NALF1: variants seen among roughly 807,000 people sequenced by gnomAD.
The protein encoded by NALF1 is family with sequence similarity 155 member A.
Under a neutral mutation model 48.4 loss-of-function variants are expected in NALF1, and 3 were observed. The observed-to-expected ratio is 0.06, with a 90% CI of 0.03 to 0.16. The LOEUF (loss-of-function observed/expected upper bound fraction) is 0.16, where lower values mean the gene tolerates loss of function less well. Among genes scored for constraint, NALF1 ranks in the 10% least tolerant of loss-of-function variants. The pLI, the probability that NALF1 is intolerant of heterozygous loss-of-function variation, is 1.00. For missense variants in NALF1, 526 were observed against 571.5 expected, an observed-to-expected ratio of 0.92 and a Z score of 0.81; for synonymous variants, 262 against 245.7, an observed-to-expected ratio of 1.07 and a Z score of -0.62.
At chr13:107,744,468 T>C (rs1566465481) in intron 1 of NALF1, among the ~76,000 whole-genome samples, 1 of 152,288 alleles carries the variant, frequency 6.6e-6, no homozygotes, top group East Asian at 1.9e-4. Context: ...AAATAAAGAA[T>C]TGACCAATTG....
chr13:107,244,672 G>A (rs779439334), intron 1 of NALF1, among the ~76,000 whole-genome samples: 3 of 152,048 alleles, frequency 2.0e-5, no homozygotes, highest in African/African-American at 4.8e-5. Context: ...ATTCTTCATC[G>A]ATGAAAACAG....
At chr13:107,632,711 T>C (rs1376180399) in intron 1 of NALF1, among the ~76,000 whole-genome samples, 1 of 152,164 alleles carries the variant, frequency 6.6e-6, no homozygotes, top group Non-Finnish European at 1.5e-5. Flanking sequence ...AGACTAAATT[T>C]GGTATCACTT....
At chr13:107,743,772 G>A (rs1876704534) in intron 1 of NALF1, among the ~76,000 whole-genome samples, 1 of 152,182 alleles carries the variant, frequency 6.6e-6, no homozygotes, top group African/African-American at 2.4e-5. Flanking sequence ...AAAAGGATTA[G>A]TAAGAGGATA....
rs550903058 is a variant in NALF1 at position 107,340,264 on chromosome 13, C to T, written c.916-129509G>A. 2.0e-5 allele frequency among the ~76,000 whole-genome samples: 3 copies of T among 151,852 alleles called. No individual in the cohort carries two copies. In the South Asian group the frequency reaches 6.3e-4, roughly 32 times the overall value. On this transcript the variant is annotated intron_variant, in intron 1 of 2. Coordinates refer to ENST00000375915, the MANE Select transcript of NALF1 (RefSeq NM_001080396.3). ...CAAGCGATTCTCCTGCCTCAGCCTC[C>T]CGAGTAGCTGAGATTACAGGTGCCC...
intron 1 of NALF1, among the ~76,000 whole-genome samples, chr13:107,615,106 G>T (rs1879344742): frequency 6.6e-6 from 1 of 152,076 alleles, no homozygotes; most frequent in African/African-American, 2.4e-5. Context: ...TCTGACCATA[G>T]ACATCTGAAT....
intron 1 of NALF1, among the ~76,000 whole-genome samples, chr13:107,358,133 C>T (rs965255215): frequency 5.3e-5 from 8 of 151,876 alleles, no homozygotes; most frequent in Non-Finnish European, 1.0e-4. Flanking sequence ...CACATTTACA[C>T]ATGCATGTTT....
At chr13:107,731,128 T>G (rs995272911) in intron 1 of NALF1, among the ~76,000 whole-genome samples, 1 of 152,168 alleles carries the variant, frequency 6.6e-6, no homozygotes, top group African/African-American at 2.4e-5. Flanking sequence ...TGGTCTTTCT[T>G]AGGCAGCTAG....
intron 1 of NALF1, among the ~76,000 whole-genome samples, chr13:107,759,690 T>C (rs1877210622): frequency 6.6e-6 from 1 of 152,132 alleles, no homozygotes; most frequent in Non-Finnish European, 1.5e-5. Context: ...ACTGTGTTCT[T>C]ACCTTACTGT....
chr13:107,179,092 C>A (rs1879006344), intron 2 of NALF1, among the ~76,000 whole-genome samples: 1 of 152,086 alleles, frequency 6.6e-6, no homozygotes, highest in African/African-American at 2.4e-5. Context: ...TCGCAATAGC[C>A]AAGATTTGGA....
At chr13:107,786,416 CAAAAAAAAAAA>C (rs34857705) in intron 1 of NALF1, among the ~76,000 whole-genome samples, 3 of 29,710 alleles carry the variant, frequency 1.0e-4, no homozygotes, top group African/African-American at 4.0e-4. Context: ...AACTCTTTCT[CAAAAAAAAAAA>C]AAAAAAAAAA....
rs114396498 is a variant in NALF1, at chr13:107,420,422, T to A, written c.916-209667A>T. On this transcript the variant is annotated intron_variant, in intron 1 of 2. Coordinates refer to ENST00000375915, the MANE Select transcript of NALF1 (RefSeq NM_001080396.3). The stretch of plus-strand genomic sequence containing the variant: ...GTTAATTGTATAAAGGAAAAACAAA[T>A]ACATCATGTTTTAGCATTTTTTTAT... Among the ~76,000 whole-genome samples, 1,468 of 152,224 alleles carry A rather than the reference T, an allele frequency of 9.6e-3. 24 individuals carry two copies. The highest frequency in any genetic ancestry group is 0.034 in the African/African-American group (1,401 of 41,536).
chr13:107,623,005 T>C (rs1879567771), intron 1 of NALF1, among the ~76,000 whole-genome samples: 1 of 152,176 alleles, frequency 6.6e-6, no homozygotes, highest in Non-Finnish European at 1.5e-5. Flanking sequence ...AGTACTCTAG[T>C]ATGTCAAGAA....
At chr13:107,535,411 A>G (rs1009739139) in intron 1 of NALF1, among the ~76,000 whole-genome samples, 6 of 152,136 alleles carry the variant, frequency 3.9e-5, no homozygotes, top group African/African-American at 1.4e-4. Context: ...ATTTTTTCAA[A>G]GGCCTTCTTA....
At chr13:107,582,218 T>C (rs1184853649) in intron 1 of NALF1, among the ~76,000 whole-genome samples, 2 of 152,188 alleles carry the variant, frequency 1.3e-5, no homozygotes, top group Non-Finnish European at 2.9e-5. Context: ...AAGTCCTTAA[T>C]GACTCCGAAG....
chr13:107,760,955 T>C (rs1877245243), intron 1 of NALF1, among the ~76,000 whole-genome samples: 2 of 152,228 alleles, frequency 1.3e-5, no homozygotes, highest in Non-Finnish European at 2.9e-5. Flanking sequence ...AAGCATGAAG[T>C]ACCACAGTAG....
At chr13:107,803,056 C>T (rs1878669025) in intron 1 of NALF1, among the ~76,000 whole-genome samples, 1 of 152,084 alleles carries the variant, frequency 6.6e-6, no homozygotes, top group Admixed American at 6.6e-5. Context: ...TGGTGTCATT[C>T]GTTTATATAT....
intron 1 of NALF1, chr13:107,788,385 A>ATC (rs113953506): frequency 0.016 from 2,348 of 149,828 alleles, 37 homozygotes; most frequent in African/African-American, 0.051. Context: ...GTCTGACATC[A>ATC]TCTCTCTCTC....
intron 1 of NALF1, among the ~76,000 whole-genome samples, chr13:107,710,056 G>A (rs560739074): frequency 1.3e-5 from 2 of 152,174 alleles, no homozygotes; most frequent in South Asian, 4.2e-4. Flanking sequence ...GTTCAAGGTT[G>A]CAGTGAGCTA....
intron 1 of NALF1, among the ~76,000 whole-genome samples, chr13:107,667,362 C>T (rs376709022): frequency 8.5e-4 from 129 of 152,134 alleles, no homozygotes; most frequent in African/African-American, 3.0e-3. Context: ...ATCCTATCAA[C>T]ACCACCCCCA....
Sources: allele counts gnomAD v4.1 joint callset (sites outside exome capture counted in the v4.1 genomes callset), GRCh38; gene constraint gnomAD v4.1.1; transcripts MANE v1.5; gene names NCBI Gene and HGNC (gene_info 2026-07-23, HGNC 2026-07-21).